HR: variants seen among roughly 807,000 people sequenced by gnomAD.
The protein encoded by HR is lysine-specific demethylase hairless.
Under a neutral mutation model 128.6 loss-of-function variants are expected in HR, and 83 were observed. That is an observed-to-expected ratio of 0.65 (90% CI 0.54 to 0.77). The LOEUF is 0.77. Ranked by LOEUF, HR falls within the 30% of genes least tolerant of loss-of-function variation. HR has a pLI of 0.00. For synonymous variants in HR, 681 were observed against 658.2 expected (o/e 1.03, Z -0.53); for missense variants, 1,490 against 1,574.6 (o/e 0.95, Z 0.91).
rs747799304 is a variant in HR at position 22,129,073 on chromosome 8, C to T, written c.98G>A (p.Arg33Gln). 20 of 1,580,052 alleles carry T rather than the reference C, an allele frequency of 1.3e-5. No homozygotes were observed. Among genetic ancestry groups the T allele is most frequent in the African/African-American group, 2.7e-5 (2 of 73,794 alleles). Residue 33 changes from arginine (R) to glutamine (Q), a missense_variant, in exon 2 of 19, where the codon CGA becomes CAA. Physicochemically the swap from Arg to Gln is conservative, Grantham distance 43. Transcript: ENST00000381418. ...CAGCGGCCCATGGTGCAGTCCATCT[C>T]GAGGCGGGCTGCCGGGCTCCTGTCT... is the stretch of plus-strand genomic sequence containing the variant. ...IVRQEPGSPP[R>Q]DGLHHGPLCL... is the part of the protein sequence containing the mutation.
chr8:22,120,623 CT>C (rs1826719826), intron 11 of HR, 92 bp downstream of exon 11: 4 of 1,572,482 alleles, frequency 2.5e-6, no homozygotes, highest in South Asian at 1.1e-5. Flanking sequence ...CCTGCTCCCC[CT>C]GAGCCACTGG....
At position 22,127,872 on chromosome 8, in the gene HR, C is replaced by G. The variant is rs201633004; in HGVS notation, c.613-43G>C. The G allele has an allele frequency of 6.4e-4, 1,004 of 1,572,122 alleles. 1 individual carries two copies. Among genetic ancestry groups the G allele is most frequent in the Middle Eastern group, 8.3e-4 (5 of 6,000 alleles). ...TGTTACGCTTCAGCTGACTTGGGCTCCCCATGCCTAAATGGATGGGCAGAA... is the reference window on the plus strand; with the variant it reads ...TGTTACGCTTCAGCTGACTTGGGCTGCCCATGCCTAAATGGATGGGCAGAA... On this transcript the variant is annotated intron_variant, in intron 2 of 18. Coordinates refer to ENST00000381418, the MANE Select transcript of HR (RefSeq NM_005144.5).
chr8:22,128,431 C>T, intron 2 of HR, 128 bp downstream of exon 2: 1 of 1,348,402 alleles, frequency 7.4e-7, no homozygotes, highest in Admixed American at 2.0e-5. Flanking sequence ...TGGGACAGCT[C>T]CAAGCTGATA....
chr8:22,123,615 C>CAA, intron 6 of HR, 34 bp downstream of exon 6: 1 of 631,034 alleles, frequency 1.6e-6, no homozygotes, highest in Non-Finnish European at 2.6e-6. Context: ...CTGAGGGCTC[C>CAA]ATCCCGCCCT....
rs1280582563 is a variant in HR at position 22,128,625 on chromosome 8, G to A, written c.546C>T (p.Thr182=). The change falls in exon 2 of 19, where the codon ACC becomes ACT. Residue 182 remains threonine, a synonymous_variant. Coordinates refer to ENST00000381418, the MANE Select transcript of HR (RefSeq NM_005144.5). Reference sequence around the variant, plus strand: ...CCCCGGAGTATACCCAGGGGTGCGGGGTCAGGGGCCAGTCACATGGATGCT... The same window carrying A: ...CCCCGGAGTATACCCAGGGGTGCGGAGTCAGGGGCCAGTCACATGGATGCT... ...PPEHPCDWPL[T]PHPWVYSGGQ... 6.2e-7 allele frequency: 1 copy of A among 1,602,844 alleles called. No individual in the cohort carries two copies. Among genetic ancestry groups the A allele is most frequent in the Non-Finnish European group, 8.5e-7 (1 of 1,175,746 alleles).
At chr8:22,128,516 G>T (rs1826960242) in intron 2 of HR, 43 bp downstream of exon 2, 6 of 1,610,470 alleles carry the variant, frequency 3.7e-6, no homozygotes, top group Non-Finnish European at 5.1e-6. Context: ...GAGCAACTTT[G>T]CTAGGCCAGA....
chr8:22,128,525 G>C, intron 2 of HR, 34 bp downstream of exon 2: 1 of 1,611,292 alleles, frequency 6.2e-7, no homozygotes, highest in Non-Finnish European at 8.5e-7. Context: ...TGCTAGGCCA[G>C]AGCCACAGGT....
intron 9 of HR, 147 bp downstream of exon 9, chr8:22,121,466 G>A: frequency 1.1e-6 from 1 of 937,596 alleles, no homozygotes; most frequent in Non-Finnish European, 1.7e-6. Flanking sequence ...GTGTTTGGAG[G>A]CATGTCCTGA....
At chr8:22,120,296 G>C (rs560349127) in intron 12 of HR, 46 bp downstream of exon 12, 2 of 1,613,540 alleles carry the variant, frequency 1.2e-6, no homozygotes, top group African/African-American at 2.7e-5. Context: ...CCGATCCCTA[G>C]GGCTTGGGCT....
chr8:22,123,293 G>GTGTGAC (rs1826801577), intron 6 of HR, among the ~76,000 whole-genome samples: 2 of 152,236 alleles, frequency 1.3e-5, no homozygotes, highest in Admixed American at 1.3e-4. Context: ...GTTACTAACT[G>GTGTGAC]TGTGACCTTG....
chr8:22,125,253 G>C, intron 5 of HR, 58 bp downstream of exon 5: 1 of 1,523,018 alleles, frequency 6.6e-7, no homozygotes, highest in Admixed American at 2.0e-5. Flanking sequence ...GGTCAGGGGA[G>C]GGACACCTGG....
At chr8:22,120,025 C>T (rs1826695473) in intron 13 of HR, 79 bp downstream of exon 13, 1 of 1,564,440 alleles carries the variant, frequency 6.4e-7, no homozygotes, top group African/African-American at 1.3e-5. Flanking sequence ...GGGTTGGGGG[C>T]AGAGGAGGAG....
chr8:22,120,317 T>G (rs1318194041), intron 12 of HR, 25 bp downstream of exon 12: 1 of 1,613,624 alleles, frequency 6.2e-7, no homozygotes, highest in East Asian at 2.2e-5. Context: ...CCCAGCTCCC[T>G]CTCCCCTGTG....
In HR at chr8:22,116,893, A is replaced by C. The variant is rs1287219986; in HGVS notation, c.3360T>G (p.Pro1120=). The C allele has an allele frequency of 6.4e-7, 1 of 1,569,986 alleles. No homozygotes were observed. The highest frequency in any genetic ancestry group is 8.6e-7 in the Non-Finnish European group (1 of 1,162,662). The change falls in exon 17 of 19, where the codon CCT becomes CCG. Residue 1120 remains proline (P), a synonymous_variant. Coordinates refer to ENST00000381418, the MANE Select transcript of HR (RefSeq NM_005144.5). The surrounding 1 kb of genome is among the most constrained non-coding windows in gnomAD (Gnocchi z 4.2). Reference sequence around the variant, plus strand: ...GAAGCACCTGGTGGGGAGCCCCTGCAGGCACCAGCACGGCCTCTCCGGGGG... The same window carrying C: ...GAAGCACCTGGTGGGGAGCCCCTGCCGGCACCAGCACGGCCTCTCCGGGGG... The part of the protein sequence containing the change: ...LQAPGEAVLV[P]AGAPHQVQGL...
intron 8 of HR, among the ~76,000 whole-genome samples, chr8:22,122,023 C>A (rs1826767317): frequency 6.6e-6 from 1 of 152,200 alleles, no homozygotes; most frequent in South Asian, 2.1e-4. Context: ...AACACAGTGT[C>A]TGGAACCCAA....
At chr8:22,130,196 A>T (rs986208086) in intron 1 of HR, among the ~76,000 whole-genome samples, 14 of 152,222 alleles carry the variant, frequency 9.2e-5, no homozygotes, top group African/African-American at 3.1e-4. Context: ...CTTCGGCCAG[A>T]GCGACGAAGC....
chr8:22,128,721 C>T lies in HR; in HGVS notation c.450G>A (p.Lys150=). The T allele has an allele frequency of 6.3e-7, 1 of 1,587,134 alleles. No individual in the cohort carries two copies. The highest frequency in any genetic ancestry group is 1.7e-4 in the Middle Eastern group (1 of 6,030). Reference sequence around the variant, plus strand: ...CCCAGAAGGGAGCTCGCTCCAGGATCTTGGTCTCCAGAAGGAAAGGGCAGT... The same window carrying T: ...CCCAGAAGGGAGCTCGCTCCAGGATTTTGGTCTCCAGAAGGAAAGGGCAGT... ...PWHCPFLLET[K]ILERAPFWVP... The change falls in exon 2 of 19, where the codon AAG becomes AAA. Residue 150 remains lysine, a synonymous_variant. Transcript: ENST00000381418.
chr8:22,115,731 A>G lies in HR; in HGVS notation c.3539T>C (p.Val1180Ala). 6.2e-7 allele frequency: 1 copy of G among 1,613,916 alleles called. No individual in the cohort carries two copies. Among genetic ancestry groups the G allele is most frequent in the Non-Finnish European group, 8.5e-7 (1 of 1,179,990 alleles). ...GGCCTCCTGTAATGTCCCCACGGCC[A>G]CCTTCACTGCTTGGAACACAGCCCA... ...MDWAVFQAVK[V>A]AVGTLQEAK Residue 1180 changes from valine (V) to alanine (A), a missense_variant, in exon 19 of 19, where the codon GTG (valine) becomes GCG (alanine). This residue lies in a region of HR where 423 missense variants were observed against 495.9 expected (regional missense o/e 0.85). Transcript: ENST00000381418.
rs11135859 is a variant in HR, at chr8:22,120,559, A to G, written c.2611-52T>C. On this transcript the variant is annotated intron_variant, in intron 11 of 18. Coordinates refer to ENST00000381418, the MANE Select transcript of HR (RefSeq NM_005144.5). ...GAGGAGAATGGCCAGGGTGCCCGCC[A>G]TGGCCAGGCAAGGGCGTGTTGTAAG... The G allele has an allele frequency of 0.62, 992,025 of 1,608,086 alleles. 308,216 individuals are homozygous for G. Among genetic ancestry groups the G allele is most frequent in the African/African-American group, 0.71 (53,077 of 74,976 alleles).
Sources: gnomAD v4.1 joint callset for allele counts (sites outside exome capture counted in the v4.1 genomes callset) on GRCh38, gnomAD v4.1.1 for gene constraint, gnomAD v4.1.1 regional missense constraint, Gnocchi (gnomAD v3.1) non-coding constraint, MANE v1.5 for transcripts, NCBI Gene and HGNC (gene_info 2026-07-23, HGNC 2026-07-21) for gene names.